Variants in MAPK10 observed in about 807,000 individuals in gnomAD.
MAPK10 encodes the protein JNK3 alpha protein kinase.
In MAPK10, 25 loss-of-function variants were observed where a neutral mutation model predicts 59.3. That is an observed-to-expected ratio of 0.42 (90% CI 0.31 to 0.59). The LOEUF is 0.59. Ranked by LOEUF, MAPK10 falls within the 20% of genes least tolerant of loss-of-function variation. The probability of loss-of-function intolerance (pLI) is 0.15; values close to 1 mark genes in which losing one functional copy is unlikely to be tolerated. For missense variants in MAPK10, 351 were observed against 568.9 expected, an observed-to-expected ratio of 0.62 and a Z score of 3.90; for synonymous variants, 190 against 200.5, an observed-to-expected ratio of 0.95 and a Z score of 0.44.
chr4:86,514,735 A>C (rs976866873), intron 1 of MAPK10, among the ~76,000 whole-genome samples: 1 of 152,228 alleles, frequency 6.6e-6, no homozygotes, highest in African/African-American at 2.4e-5. Flanking sequence ...GAAAAGTTTC[A>C]TCATTTCTGT....
intron 11 of MAPK10, among the ~76,000 whole-genome samples, chr4:86,033,130 C>T (rs2039441840): frequency 6.6e-6 from 1 of 152,204 alleles, no homozygotes; most frequent in Admixed American, 6.5e-5. Context: ...TAGAAACATT[C>T]TGACTTAGTG....
rs1398723262 is a variant in MAPK10, at chr4:86,030,417, A to T, written c.1174+951T>A. On this transcript the variant is annotated intron_variant, in intron 12 of 13. Transcript: ENST00000641462. ...ACAATCATGGCTCACCGCAGCCTCAACTTCCTGGACTCAAGTGATCCTCCC... is the reference window on the plus strand; with the variant it reads ...ACAATCATGGCTCACCGCAGCCTCATCTTCCTGGACTCAAGTGATCCTCCC... Among the ~76,000 whole-genome samples, 7 of 152,172 alleles carry T rather than the reference A, an allele frequency of 4.6e-5. No individual in the cohort carries two copies. The South Asian group carries it at 1.5e-3, about 32-fold the overall frequency.
At chr4:86,455,276 T>A (rs1751132125), upstream of MAPK10, among the ~76,000 whole-genome samples, 1 of 151,906 alleles carries the variant, frequency 6.6e-6, no homozygotes, top group Non-Finnish European at 1.5e-5. Context: ...AATGGAACAG[T>A]ACCTCACAAC....
chr4:86,132,050 T>C (rs549223096), intron 4 of MAPK10, among the ~76,000 whole-genome samples: 2 of 152,322 alleles, frequency 1.3e-5, no homozygotes, highest in South Asian at 4.1e-4. Context: ...AATGAGTTAA[T>C]AAAGATCTCA....
chr4:86,571,890 T>C (rs892489247), intron 1 of MAPK10, among the ~76,000 whole-genome samples: 1 of 152,240 alleles, frequency 6.6e-6, no homozygotes, highest in African/African-American at 2.4e-5. Flanking sequence ...TAAAGCTTTT[T>C]CCTTTCTTCC....
At chr4:86,269,432 C>T (rs913333475) in intron 2 of MAPK10, among the ~76,000 whole-genome samples, 1 of 152,096 alleles carries the variant, frequency 6.6e-6, no homozygotes, top group African/African-American at 2.4e-5. Context: ...CCATGACTAC[C>T]TCACCACACT....
intron 1 of MAPK10, among the ~76,000 whole-genome samples, chr4:86,508,125 T>C (rs538063158): frequency 6.6e-5 from 10 of 152,290 alleles, no homozygotes; most frequent in Admixed American, 2.6e-4. Flanking sequence ...TGTATTCCCA[T>C]TGTATTCCTA....
chr4:86,500,339 A>G (rs952993787), intron 1 of MAPK10, among the ~76,000 whole-genome samples: 1 of 152,204 alleles, frequency 6.6e-6, no homozygotes, highest in Non-Finnish European at 1.5e-5. Flanking sequence ...ATTTTCAGTT[A>G]TTAAGTTCAA....
intron 1 of MAPK10, among the ~76,000 whole-genome samples, chr4:86,371,110 A>C (rs1041439376): frequency 1.3e-5 from 2 of 152,264 alleles, no homozygotes; most frequent in African/African-American, 4.8e-5. Context: ...CAATGAGAAT[A>C]GGATTCACTG....
Position 86,237,365 on chromosome 4 carries a change from ATACCCAG to A in MAPK10, c.-6-42965_-6-42959del, listed in dbSNP as rs200628038. Among the ~76,000 whole-genome samples the A allele has an allele frequency of 4.0e-3, 605 of 152,294 alleles. 7 individuals are homozygous for A. The highest frequency in any genetic ancestry group is 0.028 in the East Asian group (143 of 5,176). On this transcript the variant is annotated intron_variant, in intron 2 of 13. Transcript: ENST00000641462. ...GAATGATTTATATTCCTTTGGGTATATACCCAGTAATGAGATTGCTGGGTCAAATGGT... is the reference window on the plus strand; with the variant it reads ...GAATGATTTATATTCCTTTGGGTATATAATGAGATTGCTGGGTCAAATGGT...
At chr4:86,437,795 T>C in intron 1 of MAPK10, among the ~76,000 whole-genome samples, 1 of 152,146 alleles carries the variant, frequency 6.6e-6, no homozygotes, top group East Asian at 1.9e-4. Flanking sequence ...TCAAATATGC[T>C]CATAACAGCA....
intron 1 of MAPK10, chr4:86,357,737 T>C (rs1340076647): frequency 6.6e-6 from 1 of 152,202 alleles, no homozygotes; most frequent in East Asian, 1.9e-4. Flanking sequence ...GCAGATGCTG[T>C]TCTGGGGCTA....
chr4:86,359,148 T>C (rs1329482426), intron 1 of MAPK10, among the ~76,000 whole-genome samples: 2 of 152,028 alleles, frequency 1.3e-5, no homozygotes, highest in African/African-American at 4.8e-5. Flanking sequence ...AAAGTAAACA[T>C]AAATACATAC....
chr4:86,272,955 C>T (rs2094475478), intron 2 of MAPK10, among the ~76,000 whole-genome samples: 1 of 152,062 alleles, frequency 6.6e-6, no homozygotes, highest in Non-Finnish European at 1.5e-5. Flanking sequence ...AAATATACAG[C>T]TGCCCATTCT....
At chr4:86,055,857 T>C (rs2044448753) in intron 11 of MAPK10, among the ~76,000 whole-genome samples, 1 of 150,158 alleles carries the variant, frequency 6.7e-6, no homozygotes, top group South Asian at 2.1e-4. Context: ...TGAGAGTTGC[T>C]ATTAAATTTT....
chr4:86,120,422 A>G (rs145145821), intron 4 of MAPK10: 62 of 152,376 alleles, frequency 4.1e-4, no homozygotes, highest in African/African-American at 1.4e-3. Flanking sequence ...GACCACACAA[A>G]GATTATTCAC....
chr4:86,373,018 G>C (rs1225934073), intron 1 of MAPK10, among the ~76,000 whole-genome samples: 1 of 152,110 alleles, frequency 6.6e-6, no homozygotes, highest in African/African-American at 2.4e-5. Context: ...ATACTACAAG[G>C]CTACAGTAAC....
At chr4:86,294,149 A>G (rs370439171) in intron 2 of MAPK10, among the ~76,000 whole-genome samples, 51 of 152,146 alleles carry the variant, frequency 3.4e-4, no homozygotes, top group African/African-American at 1.2e-3. Flanking sequence ...GAGCCCCCAG[A>G]GTTCCTTGGC....
chr4:86,124,488 T>C (rs1484220733), intron 4 of MAPK10: 1 of 151,882 alleles, frequency 6.6e-6, no homozygotes, highest in Non-Finnish European at 1.5e-5. Context: ...TTTGCAAATT[T>C]ACTTGGAAAT....
Sources: gnomAD v4.1 joint callset for allele counts (sites outside exome capture counted in the v4.1 genomes callset) on GRCh38, gnomAD v4.1.1 for gene constraint, MANE v1.5 for transcripts, NCBI Gene and HGNC (gene_info 2026-07-23, HGNC 2026-07-21) for gene names.